NLRC3: variants seen among roughly 807,000 people sequenced by gnomAD.
NLRC3 encodes NLR family CARD domain containing 3, also known as NLR family CARD domain-containing protein 3.
Under a neutral mutation model 91.6 loss-of-function variants are expected in NLRC3, and 87 were observed. The ratio of observed to expected loss-of-function variants is 0.95; its 90% CI spans 0.80 to 1.14. The LOEUF is 1.14. Among genes scored for constraint, NLRC3 ranks in the 50% most tolerant of loss-of-function variants. The probability of loss-of-function intolerance (pLI) is 0.00; values close to 1 mark genes in which losing one functional copy is unlikely to be tolerated. For missense variants in NLRC3, 1,577 were observed against 1,418.6 expected (o/e 1.11, Z -1.79); for synonymous variants, 694 against 625.3 (o/e 1.11, Z -1.64).
chr16:3,570,065 C>T (rs1348621096), intron 1 of NLRC3, among the ~76,000 whole-genome samples: 2 of 152,118 alleles, frequency 1.3e-5, no homozygotes, highest in Non-Finnish European at 2.9e-5. Context: ...GTGACTTGTC[C>T]AAGGATACAC....
In NLRC3 at chr16:3,577,254, T is replaced by C; in HGVS notation, c.-274A>G. 1 of 701,046 alleles carries C rather than the reference T, an allele frequency of 1.4e-6. No homozygotes were observed. The highest frequency in any genetic ancestry group is 2.6e-6 in the Non-Finnish European group (1 of 383,912). The allele number at this position is 701,046 out of a possible 1,614,324, so 43.4% of individuals were successfully genotyped here. On this transcript the variant is annotated 5_prime_UTR_variant, in exon 1 of 20. Coordinates refer to ENST00000359128, the MANE Select transcript of NLRC3 (RefSeq NM_178844.4). ...CCTGCTCCAGCTGCGTGGTGGTAGA[T>C]GCCCTGGGAATCCCTGTGCCAGCCT...
At chr16:3,574,940 T>G (rs927301747) in intron 1 of NLRC3, among the ~76,000 whole-genome samples, 6 of 150,556 alleles carry the variant, frequency 4.0e-5, no homozygotes, top group Admixed American at 1.3e-4. Context: ...CCAGCCTGGG[T>G]GACAGAGCGA....
At chr16:3,558,079 C>T (rs899206478) in intron 6 of NLRC3, among the ~76,000 whole-genome samples, 1 of 152,166 alleles carries the variant, frequency 6.6e-6, no homozygotes, top group African/African-American at 2.4e-5. Context: ...GTGGCTCATG[C>T]CTATACAATC....
chr16:3,557,097 T>C (rs944310280), intron 7 of NLRC3, 103 bp from the exon 8 acceptor site: 23 of 770,856 alleles, frequency 3.0e-5, no homozygotes, highest in Middle Eastern at 2.3e-4. Context: ...TCTAAGGGAA[T>C]GTGTAAGGGC....
intron 1 of NLRC3, among the ~76,000 whole-genome samples, chr16:3,575,283 AC>A (rs1432090671): frequency 6.6e-6 from 1 of 152,054 alleles, no homozygotes; most frequent in Non-Finnish European, 1.5e-5. Context: ...CCTGGCTGCC[AC>A]CGCTGCCAGG....
Position 3,539,572 on chromosome 16 carries a change from T to C in NLRC3, c.*2253A>G, listed in dbSNP as rs957736380. On this transcript the variant is annotated 3_prime_UTR_variant, in exon 20 of 20. Coordinates refer to ENST00000359128, the MANE Select transcript of NLRC3 (RefSeq NM_178844.4). ...GGCCCAGCTTTCTCCAGTGTTTGGC[T>C]ACTGCAACTCTGTGTTCTGCCAGTC... 1.3e-5 allele frequency: 2 copies of C among 152,258 alleles called. No individual in the cohort carries two copies. The highest frequency in any genetic ancestry group is 4.8e-5 in the African/African-American group (2 of 41,460). The allele number at this position is 152,258 out of a possible 1,614,324, so 9.4% of individuals were successfully genotyped here.
At position 3,542,174 on chromosome 16, in the gene NLRC3, A is replaced by G; in HGVS notation, c.3107+17T>C. ...GAAGCAGTTCTAAGGGTGAGCAGGAAGGGCAGGTGCACTCACTTGATATGC... is the reference window on the plus strand; with the variant it reads ...GAAGCAGTTCTAAGGGTGAGCAGGAGGGGCAGGTGCACTCACTTGATATGC... On this transcript the variant is annotated intron_variant, in intron 19 of 19. Transcript: ENST00000359128. The G allele has an allele frequency of 6.5e-7, 1 of 1,537,922 alleles. No individual in the cohort carries two copies. Among genetic ancestry groups the G allele is most frequent in the Non-Finnish European group, 8.9e-7 (1 of 1,128,196 alleles).
chr16:3,542,848 C>T (rs2038478743), intron 17 of NLRC3, 73 bp from the exon 18 acceptor site: 4 of 952,556 alleles, frequency 4.2e-6, no homozygotes, highest in Non-Finnish European at 4.9e-6. Flanking sequence ...TGCGGGTGGG[C>T]TTGGGGCTGC....
At chr16:3,567,082 T>C (rs2039912153) in intron 2 of NLRC3, among the ~76,000 whole-genome samples, 161 bp downstream of exon 2, 1 of 152,092 alleles carries the variant, frequency 6.6e-6, no homozygotes, top group Non-Finnish European at 1.5e-5. Flanking sequence ...CTCGTGGGGA[T>C]TGTGATGCAG....
intron 15 of NLRC3, among the ~76,000 whole-genome samples, 184 bp downstream of exon 15, chr16:3,547,951 G>A (rs953608857): frequency 1.3e-5 from 2 of 152,334 alleles, no homozygotes; most frequent in Admixed American, 6.5e-5. Flanking sequence ...GATTACAGGC[G>A]TGAGCCAACG....
chr16:3,569,283 C>T (rs1387336627), intron 1 of NLRC3, among the ~76,000 whole-genome samples: 1 of 141,154 alleles, frequency 7.1e-6, no homozygotes, highest in African/African-American at 2.7e-5. Flanking sequence ...CACTGCACTC[C>T]AGCCGGGGTG....
chr16:3,564,974 T>C lies in NLRC3; in HGVS notation c.63A>G (p.Pro21=). Residue 21 remains proline, a synonymous_variant, in exon 4 of 20, where the codon CCA becomes CCG. Coordinates refer to ENST00000359128, the MANE Select transcript of NLRC3 (RefSeq NM_178844.4). The surrounding 1 kb of genome is among the most constrained non-coding windows in gnomAD (Gnocchi z 5.9). ...CCATGAGGGCTTTCACCTGCTCGGCTGGGGAGCCCGTACCGTGGCCCTGGC... is the reference window on the plus strand; with the variant it reads ...CCATGAGGGCTTTCACCTGCTCGGCCGGGGAGCCCGTACCGTGGCCCTGGC... ...EAGQGHGTGS[P]AEQVKALMDL... The C allele has an allele frequency of 6.2e-7, 1 of 1,610,630 alleles. No homozygotes were observed. The highest frequency in any genetic ancestry group is 8.5e-7 in the Non-Finnish European group (1 of 1,179,730).
chr16:3,564,622 G>C lies in NLRC3; in HGVS notation c.315C>G (p.Asp105Glu). The C allele has an allele frequency of 6.2e-7, 1 of 1,609,558 alleles. No homozygotes were observed. Among genetic ancestry groups the C allele is most frequent in the South Asian group, 1.1e-5 (1 of 91,064 alleles). Reference protein sequence around the residue: ...GLTDLQLREHDFTQVEATRGG... With the variant: ...GLTDLQLREHEFTQVEATRGG... The stretch of plus-strand genomic sequence containing the variant: ...CGCGGGTGGCCTCCACCTGTGTGAA[G>C]TCGTGTTCCCTCAGCTGCAGGTCCG... The change falls in exon 5 of 20, where the codon GAC becomes GAG. Residue 105 changes from aspartate (D) to glutamate (E), a missense_variant. Coordinates refer to ENST00000359128, the MANE Select transcript of NLRC3 (RefSeq NM_178844.4). The surrounding 1 kb of genome is among the most constrained non-coding windows in gnomAD (Gnocchi z 5.9).
intron 1 of NLRC3, among the ~76,000 whole-genome samples, chr16:3,569,496 T>G (rs1044252581): frequency 6.8e-6 from 1 of 146,848 alleles, no homozygotes; most frequent in Non-Finnish European, 1.5e-5. Flanking sequence ...CCTCCCATGT[T>G]CAAGTGATTC....
chr16:3,545,987 A>G (rs1567461786), intron 15 of NLRC3, among the ~76,000 whole-genome samples: 1 of 152,150 alleles, frequency 6.6e-6, no homozygotes, highest in Non-Finnish European at 1.5e-5. Flanking sequence ...GGAGGCTACC[A>G]CAGGGATGGA....
chr16:3,541,977 A>G (rs2038424044), intron 19 of NLRC3, 62 bp from the exon 20 acceptor site: 1 of 1,008,772 alleles, frequency 9.9e-7, no homozygotes, highest in South Asian at 1.4e-5. Context: ...AGAGCAGGCC[A>G]TACAATAGAA....
intron 1 of NLRC3, among the ~76,000 whole-genome samples, chr16:3,568,192 A>C (rs145049861): frequency 4.0e-3 from 606 of 152,298 alleles, no homozygotes; most frequent in Middle Eastern, 0.02. Flanking sequence ...ATAAGTAAAT[A>C]GTAAAGTAAA....
chr16:3,544,183 C>T (rs1423298275), intron 16 of NLRC3, 63 bp downstream of exon 16: 10 of 942,168 alleles, frequency 1.1e-5, no homozygotes, highest in Non-Finnish European at 1.5e-5. Context: ...AAAAAAAGAC[C>T]TCTAACGTGA....
At chr16:3,549,848 C>G in intron 11 of NLRC3, 68 bp from the exon 12 acceptor site, 3 of 1,165,518 alleles carry the variant, frequency 2.6e-6, no homozygotes, top group Non-Finnish European at 2.5e-6. Flanking sequence ...CTGTCCCAGT[C>G]TGGGACAGCA....
Sources: gnomAD v4.1 joint callset for allele counts (sites outside exome capture counted in the v4.1 genomes callset) on GRCh38, gnomAD v4.1.1 for gene constraint, Gnocchi (gnomAD v3.1) non-coding constraint, MANE v1.5 for transcripts, NCBI Gene and HGNC (gene_info 2026-07-23, HGNC 2026-07-21) for gene names.